ACYP2: variants seen among roughly 807,000 people sequenced by gnomAD.
ACYP2 encodes the protein acylphosphatase 2, also known as acylphosphatase-2.
A neutral mutation model predicts 11.2 loss-of-function variants in ACYP2; 12 were observed. The ratio of observed to expected loss-of-function variants is 1.08; its 90% CI spans 0.69 to 1.74. The LOEUF (loss-of-function observed/expected upper bound fraction) is 1.74, where lower values mean the gene tolerates loss of function less well. Ranked by LOEUF, ACYP2 falls within the 40% of genes most tolerant of loss-of-function variation. ACYP2 has a pLI of 0.00. For synonymous variants in ACYP2, 43 were observed against 32.2 expected (o/e 1.33, Z -1.13); for missense variants, 134 against 101.9 (o/e 1.31, Z -1.35).
At chr2:54,006,918 T>C (rs1018350772) in intron 2 of ACYP2, among the ~76,000 whole-genome samples, 8 of 151,678 alleles carry the variant, frequency 5.3e-5, no homozygotes, top group African/African-American at 1.7e-4. Context: ...TGAGATCAGG[T>C]GTTCAAGACC....
At chr2:54,136,447 G>A (rs548800296) in intron 5 of ACYP2, among the ~76,000 whole-genome samples, 7 of 152,208 alleles carry the variant, frequency 4.6e-5, no homozygotes, top group African/African-American at 1.7e-4. Context: ...ACTCCTGAGG[G>A]TTCCAATATT....
chr2:53,995,489 T>A (rs1010231231), intron 2 of ACYP2, among the ~76,000 whole-genome samples: 11 of 48,750 alleles, frequency 2.3e-4, no homozygotes, highest in South Asian at 8.2e-4. Flanking sequence ...TTATTTATTT[T>A]TTATTTATTT....
chr2:54,275,004 A>G (rs1000341211), intron 6 of ACYP2, among the ~76,000 whole-genome samples: 10 of 152,218 alleles, frequency 6.6e-5, no homozygotes, highest in Admixed American at 4.6e-4. Context: ...ATGGTCCTGA[A>G]TTAACTAGAC....
At chr2:54,197,942 ATATTGTATTGTATTGTATTGTATTG>A (rs141209640) in intron 6 of ACYP2, among the ~76,000 whole-genome samples, 4,596 of 69,312 alleles carry the variant, frequency 0.066, 172 homozygotes, top group African/African-American at 0.084. Flanking sequence ...TGTATGTATT[ATATTGTATTGTATTGTATTGTATTG>A]TATTGTATTG....
chr2:54,032,712 C>G (rs1025811870), intron 2 of ACYP2, among the ~76,000 whole-genome samples: 17 of 152,000 alleles, frequency 1.1e-4, no homozygotes, highest in Non-Finnish European at 1.5e-4. Flanking sequence ...TAAATTACTC[C>G]CATTCACAAT....
At chr2:54,238,655 A>T (rs1052756150) in intron 6 of ACYP2, among the ~76,000 whole-genome samples, 1 of 152,182 alleles carries the variant, frequency 6.6e-6, no homozygotes, top group Admixed American at 6.5e-5. Context: ...TAGTTTAGGC[A>T]TATGGTCCAC....
chr2:54,233,257 C>T (rs1475792489), intron 6 of ACYP2, among the ~76,000 whole-genome samples: 1 of 151,058 alleles, frequency 6.6e-6, no homozygotes, highest in African/African-American at 2.4e-5. Context: ...ACCTGTGAAA[C>T]TATCACCATA....
Position 53,979,133 on chromosome 2 carries a change from A to G in ACYP2, c.62+5323A>G, listed in dbSNP as rs185282827. 2.2e-3 allele frequency among the ~76,000 whole-genome samples: 336 copies of G among 152,116 alleles called. 4 individuals carry two copies. The highest frequency in any genetic ancestry group is 7.6e-3 in the African/African-American group (315 of 41,510). ...AGGGATTCGAGAAGGCATTATTATT[A>G]TAGAAGATGAAAGCTCCATGCGTGT... On this transcript the variant is annotated intron_variant, in intron 2 of 6. Transcript: ENST00000607452.
At chr2:54,255,092 A>G (rs1477953477) in intron 6 of ACYP2, 1 of 1,614,100 alleles carries the variant, frequency 6.2e-7, no homozygotes, top group East Asian at 2.2e-5. Context: ...TGGTCTGAAA[A>G]CCAGGTGAAG....
chr2:54,250,479 G>T (rs917397237), intron 6 of ACYP2, among the ~76,000 whole-genome samples: 2 of 151,872 alleles, frequency 1.3e-5, no homozygotes, highest in Non-Finnish European at 2.9e-5. Context: ...GGGTGGGGTG[G>T]GGGGGGCGTT....
chr2:54,180,510 A>G (rs1683657993), intron 6 of ACYP2, among the ~76,000 whole-genome samples: 1 of 152,128 alleles, frequency 6.6e-6, no homozygotes, highest in Non-Finnish European at 1.5e-5. Context: ...GGATTTTAGG[A>G]GTTCTATGCC....
At chr2:54,216,882 TAA>T (rs749564389) in intron 6 of ACYP2, among the ~76,000 whole-genome samples, 5 of 152,242 alleles carry the variant, frequency 3.3e-5, no homozygotes, top group Non-Finnish European at 2.9e-5. Flanking sequence ...ACATTCTTGT[TAA>T]GTTTATTTTA....
At chr2:54,229,600 T>C (rs1686148343) in intron 6 of ACYP2, among the ~76,000 whole-genome samples, 2 of 152,188 alleles carry the variant, frequency 1.3e-5, no homozygotes, top group Admixed American at 6.5e-5. Context: ...GCTAATTCCA[T>C]CCTCTTTTTT....
chr2:54,038,116 A>T (rs1218611751), intron 2 of ACYP2, among the ~76,000 whole-genome samples: 1 of 152,168 alleles, frequency 6.6e-6, no homozygotes, highest in Non-Finnish European at 1.5e-5. Context: ...TATTGAGACA[A>T]CTCTGGATCA....
intron 2 of ACYP2, among the ~76,000 whole-genome samples, chr2:53,991,707 A>C (rs1672304800): frequency 6.6e-6 from 1 of 151,296 alleles, no homozygotes; most frequent in South Asian, 2.1e-4. Flanking sequence ...GCCTGGCCGT[A>C]TTTCATCTCA....
intron 2 of ACYP2, among the ~76,000 whole-genome samples, chr2:54,019,663 A>T (rs1240355321): frequency 6.6e-6 from 1 of 151,752 alleles, no homozygotes; most frequent in Non-Finnish European, 1.5e-5. Context: ...TCCGTCACCC[A>T]GGCTAGAGTG....
chr2:54,043,869 C>T (rs1368884819), intron 2 of ACYP2, among the ~76,000 whole-genome samples: 13 of 152,172 alleles, frequency 8.5e-5, no homozygotes, highest in Non-Finnish European at 1.2e-4. Flanking sequence ...TGGGGGCTAG[C>T]TGTGATTCCT....
chr2:54,096,047 G>A (rs1456975607), intron 4 of ACYP2, among the ~76,000 whole-genome samples: 11 of 117,524 alleles, frequency 9.4e-5, no homozygotes, highest in South Asian at 3.2e-4. Flanking sequence ...CTGGCCGGGC[G>A]GGGGGCTGAC....
At chr2:54,103,248 T>C (rs1370519989) in intron 4 of ACYP2, among the ~76,000 whole-genome samples, 1 of 152,230 alleles carries the variant, frequency 6.6e-6, no homozygotes, top group African/African-American at 2.4e-5. Flanking sequence ...GAAGGAATAA[T>C]GCATAGATAA....
Sources: gnomAD v4.1 joint callset for allele counts (sites outside exome capture counted in the v4.1 genomes callset) on GRCh38, gnomAD v4.1.1 for gene constraint, MANE v1.5 for transcripts, NCBI Gene and HGNC (gene_info 2026-07-23, HGNC 2026-07-21) for gene names.